CSMD1: variants seen among roughly 807,000 people sequenced by gnomAD.
CSMD1 encodes CUB and sushi domain-containing protein 1.
A neutral mutation model predicts 417.5 loss-of-function variants in CSMD1; 213 were observed. The ratio of observed to expected loss-of-function variants is 0.51; its 90% CI spans 0.46 to 0.57. The LOEUF is 0.57. Among genes scored for constraint, CSMD1 ranks in the 20% least tolerant of loss-of-function variants. The pLI is 0.00. For missense variants in CSMD1, 6,923 were observed against 4,529.7 expected (o/e 1.53, Z -15.17); for synonymous variants, 2,862 against 1,736.8 (o/e 1.65, Z -16.11).
In CSMD1 at chr8:4,833,586, G is replaced by C. The variant is rs138837934; in HGVS notation, c.85+160746C>G. On this transcript the variant is annotated intron_variant, in intron 1 of 69. Transcript: ENST00000635120. ...ATAATAAACTGTGATATTCCAAATG[G>C]AGCACACGATTTTTGAAAGCAAGGA... 5.3e-3 allele frequency among the ~76,000 whole-genome samples: 811 copies of C among 152,242 alleles called. 7 individuals are homozygous for C. Among genetic ancestry groups the C allele is most frequent in the African/African-American group, 0.018 (732 of 41,534 alleles).
At chr8:3,983,868 C>T (rs1034954815) in intron 5 of CSMD1, among the ~76,000 whole-genome samples, 15 of 151,358 alleles carry the variant, frequency 9.9e-5, no homozygotes, top group Admixed American at 9.9e-4. Context: ...CTAGAGCACA[C>T]AGCAGATCTA....
intron 8 of CSMD1, among the ~76,000 whole-genome samples, chr8:3,601,179 G>C (rs1186256922): frequency 2.0e-5 from 3 of 152,148 alleles, no homozygotes; most frequent in Admixed American, 2.0e-4. Context: ...CATTGTGTCC[G>C]TGGGATTCCT....
At chr8:3,888,884 A>G (rs1022261490) in intron 5 of CSMD1, among the ~76,000 whole-genome samples, 3 of 152,124 alleles carry the variant, frequency 2.0e-5, no homozygotes, top group Non-Finnish European at 2.9e-5. Flanking sequence ...TTCAATATCA[A>G]TGATGATTTT....
chr8:3,360,110 A>G (rs1290702680), intron 20 of CSMD1, among the ~76,000 whole-genome samples: 1 of 152,200 alleles, frequency 6.6e-6, no homozygotes, highest in African/African-American at 2.4e-5. Context: ...TTGCCTCTAG[A>G]ATATACCTCA....
intron 5 of CSMD1, among the ~76,000 whole-genome samples, chr8:3,924,296 T>C (rs1386350995): frequency 6.6e-6 from 1 of 152,186 alleles, no homozygotes; most frequent in African/African-American, 2.4e-5. Context: ...CTTGATGCTT[T>C]CAATATTCCT....
rs1796895800 is a variant in CSMD1, at chr8:3,199,797, G to C, written c.5111C>G (p.Pro1704Arg). 1.3e-6 allele frequency: 2 copies of C among 1,572,750 alleles called. No homozygotes were observed. The highest frequency in any genetic ancestry group is 4.7e-5 in the East Asian group (2 of 43,000). ...LSGSHSGETLPLATSNQILLR... is the reference protein window; with the variant it reads ...LSGSHSGETLRLATSNQILLR... ...CAGAATTTGATTTGACGTAGCCAAGGGCAATGTTTCCCCTAGAAACGAAAA... is the reference window on the plus strand; with the variant it reads ...CAGAATTTGATTTGACGTAGCCAAGCGCAATGTTTCCCCTAGAAACGAAAA... Residue 1704 changes from proline (P) to arginine (R), a missense_variant, in exon 33 of 70, where the codon CCC becomes CGC. Transcript: ENST00000635120.
At chr8:4,041,547 A>T (rs1372485611) in intron 3 of CSMD1, among the ~76,000 whole-genome samples, 2 of 152,182 alleles carry the variant, frequency 1.3e-5, no homozygotes, top group African/African-American at 4.8e-5. Context: ...GGAATACAAA[A>T]ATATTCAGCA....
chr8:3,113,570 A>G (rs1207624025), intron 42 of CSMD1, among the ~76,000 whole-genome samples: 1 of 152,238 alleles, frequency 6.6e-6, no homozygotes, highest in Non-Finnish European at 1.5e-5. Context: ...AATGGGAAAC[A>G]TGCCCAGGTA....
At chr8:4,579,883 T>G (rs1221233398) in intron 2 of CSMD1, among the ~76,000 whole-genome samples, 1 of 152,228 alleles carries the variant, frequency 6.6e-6, no homozygotes, top group African/African-American at 2.4e-5. Flanking sequence ...CTAGTTTTCC[T>G]AAGTCTTATA....
Position 4,562,270 on chromosome 8 carries a change from G to A in CSMD1, c.302+75072C>T, listed in dbSNP as rs193066382. 4.6e-5 allele frequency among the ~76,000 whole-genome samples: 7 copies of A among 152,262 alleles called. No homozygotes were observed. In the East Asian group the frequency reaches 7.7e-4, roughly 17 times the overall value. On this transcript the variant is annotated intron_variant, in intron 2 of 69. Coordinates refer to ENST00000635120, the MANE Select transcript of CSMD1 (RefSeq NM_033225.6). ...GGGAAATACACAGGCATCATTACGC[G>A]AGCAGAGAGAGGACAACCTGCTGGA...
intron 42 of CSMD1, among the ~76,000 whole-genome samples, chr8:3,116,645 T>G (rs1315001533): frequency 2.0e-5 from 3 of 152,222 alleles, no homozygotes; most frequent in Non-Finnish European, 4.4e-5. Flanking sequence ...AAAAGGTAGA[T>G]TTTGTTATTT....
chr8:4,844,829 C>G (rs571373127), intron 1 of CSMD1, among the ~76,000 whole-genome samples: 8 of 152,074 alleles, frequency 5.3e-5, no homozygotes, highest in Non-Finnish European at 7.4e-5. Context: ...TCCAAACCAG[C>G]CTTAAAAATT....
chr8:3,556,082 C>T (rs1307653824), intron 10 of CSMD1, among the ~76,000 whole-genome samples: 1 of 152,032 alleles, frequency 6.6e-6, no homozygotes, highest in Non-Finnish European at 1.5e-5. Context: ...TGTATTATTC[C>T]ATATTCCACT....
chr8:3,846,717 G>T (rs542403684), intron 5 of CSMD1, among the ~76,000 whole-genome samples: 1 of 152,028 alleles, frequency 6.6e-6, no homozygotes, highest in South Asian at 2.1e-4. Flanking sequence ...GAGTGCAGTG[G>T]TGCAACCTTG....
rs558865903 is a variant in CSMD1 at position 3,867,915 on chromosome 8, C to T, written c.819-113873G>A. Among the ~76,000 whole-genome samples, 5 of 152,176 alleles carry T rather than the reference C, an allele frequency of 3.3e-5. No individual in the cohort carries two copies. The South Asian group carries it at 1.0e-3, about 32-fold the overall frequency. The stretch of plus-strand genomic sequence containing the variant: ...CCAAGACTCTGTGTCACCTCCGCCT[C>T]CTGCCTGGACACCCTTACAGCCAAT... On this transcript the variant is annotated intron_variant, in intron 5 of 69. Transcript: ENST00000635120.
chr8:3,660,796 C>G (rs1206987886), intron 7 of CSMD1, among the ~76,000 whole-genome samples: 1 of 152,156 alleles, frequency 6.6e-6, no homozygotes, highest in East Asian at 1.9e-4. Context: ...GCTGGAATCA[C>G]AGGCGTGAGC....
chr8:4,250,246 C>A (rs1036853550), intron 3 of CSMD1, among the ~76,000 whole-genome samples: 1 of 152,170 alleles, frequency 6.6e-6, no homozygotes, highest in Non-Finnish European at 1.5e-5. Flanking sequence ...ACTAAGACAA[C>A]CTGCAAGAAC....
chr8:4,663,941 A>G (rs978642116), intron 1 of CSMD1, among the ~76,000 whole-genome samples: 47 of 152,230 alleles, frequency 3.1e-4, no homozygotes, highest in African/African-American at 1.1e-3. Context: ...CTGGGATGGA[A>G]ATTGGAAAGC....
At chr8:4,046,823 C>T (rs367685959) in intron 3 of CSMD1, among the ~76,000 whole-genome samples, 6 of 152,218 alleles carry the variant, frequency 3.9e-5, no homozygotes, top group East Asian at 1.9e-4. Context: ...GAACTCTAAG[C>T]GCCAGGCACT....
Sources: gnomAD v4.1 joint callset for allele counts (sites outside exome capture counted in the v4.1 genomes callset) on GRCh38, gnomAD v4.1.1 for gene constraint, MANE v1.5 for transcripts, NCBI Gene and HGNC (gene_info 2026-07-23, HGNC 2026-07-21) for gene names.